ADGRL2: variants seen among roughly 807,000 people sequenced by gnomAD.
The protein encoded by ADGRL2 is calcium-independent alpha-latrotoxin receptor 2.
A neutral mutation model predicts 157.4 loss-of-function variants in ADGRL2; 44 were observed. The ratio of observed to expected loss-of-function variants is 0.28; its 90% CI spans 0.22 to 0.36. The LOEUF (loss-of-function observed/expected upper bound fraction) is 0.36, where lower values mean the gene tolerates loss of function less well. ADGRL2 is among the 10% of genes least tolerant of loss of function. The pLI, the probability that ADGRL2 is intolerant of heterozygous loss-of-function variation, is 1.00. For missense variants in ADGRL2, 1,510 were observed against 1,768.9 expected, an observed-to-expected ratio of 0.85 and a Z score of 2.63; for synonymous variants, 585 against 624.7, an observed-to-expected ratio of 0.94 and a Z score of 0.95.
intron 3 of ADGRL2, chr1:81,596,403 A>G (rs948814661): frequency 5.0e-5 from 24 of 475,578 alleles, no homozygotes; most frequent in South Asian, 3.7e-4. Flanking sequence ...GTCAGCTCAC[A>G]CCTTCTCCAG....
intron 21 of ADGRL2, among the ~76,000 whole-genome samples, chr1:81,986,685 G>A (rs1572530454): frequency 6.6e-6 from 1 of 152,146 alleles, no homozygotes; most frequent in East Asian, 1.9e-4. Context: ...GATTTAGAAA[G>A]CACCTGTGAA....
At chr1:81,714,726 T>G (rs2084050721) in intron 1 of ADGRL2, among the ~76,000 whole-genome samples, 1 of 152,304 alleles carries the variant, frequency 6.6e-6, no homozygotes, top group East Asian at 1.9e-4. Context: ...TTTTGAGAAG[T>G]GTGCTACATA....
intron 1 of ADGRL2, among the ~76,000 whole-genome samples, chr1:81,344,288 T>C (rs1255230395): frequency 6.6e-6 from 1 of 152,178 alleles, no homozygotes. Context: ...GCTGTGAGTA[T>C]TTATAAACAG....
Position 81,991,213 on chromosome 1 carries a change from G to A in ADGRL2, c.*68G>A, listed in dbSNP as rs1391494199. ...TAAATAAAGACACCATTGGCCTGAC[G>A]CAGCTCCCTCAAACTCTGCTTGAAG... On this transcript the variant is annotated 3_prime_UTR_variant, in exon 24 of 24. Coordinates refer to ENST00000686636, the MANE Select transcript of ADGRL2 (RefSeq NM_001366006.2). The A allele has an allele frequency of 7.7e-6, 11 of 1,424,902 alleles. No individual in the cohort carries two copies. In the East Asian group the frequency reaches 2.1e-4, roughly 27 times the overall value. The allele number at this position is 1,424,902 out of a possible 1,614,324, so 88.3% of individuals were successfully genotyped here. A position where few individuals can be genotyped will look rare whatever the true frequency, so the allele number is the denominator to read the frequency against.
Position 81,337,780 on chromosome 1 carries a change from T to C in ADGRL2, c.-302+31271T>C, listed in dbSNP as rs79815088. On this transcript the variant is annotated intron_variant, in intron 1 of 24. Coordinates refer to the ADGRL2 transcript ENST00000370721. Reference sequence around the variant, plus strand: ...CTTACACCCTGGCAGACTCTTTTTTTCAGTAATTCTTAAGCATTGGATTGT... The same window carrying C: ...CTTACACCCTGGCAGACTCTTTTTTCCAGTAATTCTTAAGCATTGGATTGT... Among the ~76,000 whole-genome samples the C allele has an allele frequency of 7.9e-3, 1,207 of 152,266 alleles. 17 individuals carry two copies. The highest frequency in any genetic ancestry group is 0.027 in the African/African-American group (1,103 of 41,550).
At chr1:81,690,968 G>T (rs377253254) in intron 3 of ADGRL2, among the ~76,000 whole-genome samples, 58 of 152,328 alleles carry the variant, frequency 3.8e-4, no homozygotes, top group African/African-American at 1.4e-3. Flanking sequence ...AGACCTGGTT[G>T]TTCTGGTACT....
At chr1:81,811,169 T>C (rs931199844) in intron 1 of ADGRL2, among the ~76,000 whole-genome samples, 5 of 151,960 alleles carry the variant, frequency 3.3e-5, no homozygotes, top group Non-Finnish European at 5.9e-5. Context: ...AAAACACTGC[T>C]GATTTGCTGT....
At chr1:81,755,264 G>C (rs1479302127) in intron 1 of ADGRL2, among the ~76,000 whole-genome samples, 4 of 149,734 alleles carry the variant, frequency 2.7e-5, no homozygotes, top group Admixed American at 2.0e-4. Context: ...TGTAGTATTT[G>C]TCACAGCAAT....
At chr1:81,403,609 C>A (rs911126656) in intron 1 of ADGRL2, among the ~76,000 whole-genome samples, 1 of 151,922 alleles carries the variant, frequency 6.6e-6, no homozygotes, top group Non-Finnish European at 1.5e-5. Context: ...GATGGCATAT[C>A]AAAAGTGGTG....
intron 1 of ADGRL2, among the ~76,000 whole-genome samples, chr1:81,356,098 A>C (rs949726173): frequency 6.6e-6 from 1 of 152,212 alleles, no homozygotes; most frequent in African/African-American, 2.4e-5. Context: ...AAGAGATAAG[A>C]AAAACCTGAG....
intron 1 of ADGRL2, among the ~76,000 whole-genome samples, chr1:81,438,009 C>G (rs981419055): frequency 1.3e-5 from 2 of 149,988 alleles, no homozygotes; most frequent in African/African-American, 4.9e-5. Context: ...CCAGGAGTTA[C>G]CCTCTCTCTT....
At chr1:81,643,126 G>C (rs1195932361) in intron 3 of ADGRL2, among the ~76,000 whole-genome samples, 1 of 152,136 alleles carries the variant, frequency 6.6e-6, no homozygotes, top group Non-Finnish European at 1.5e-5. Context: ...AGATTGGGAA[G>C]GAAGAAATAA....
chr1:81,599,664 T>A (rs2081299921), intron 3 of ADGRL2, among the ~76,000 whole-genome samples: 1 of 152,222 alleles, frequency 6.6e-6, no homozygotes, highest in African/African-American at 2.4e-5. Context: ...TACAGTTTAA[T>A]TTTTTTTAAA....
chr1:81,951,005 A>G lies in ADGRL2; in HGVS notation c.1505-13A>G. ...GGTTTCAATTTCACTGTTGTTTTCTACATCTGTTGTAGGAACTGCCTCATA... is the reference window on the plus strand; with the variant it reads ...GGTTTCAATTTCACTGTTGTTTTCTGCATCTGTTGTAGGAACTGCCTCATA... On this transcript the variant is annotated splice_polypyrimidine_tract_variant and intron_variant, in intron 7 of 23. Coordinates refer to ENST00000686636, the MANE Select transcript of ADGRL2 (RefSeq NM_001366006.2). 1.9e-6 allele frequency: 3 copies of G among 1,560,852 alleles called. No individual in the cohort carries two copies. Among genetic ancestry groups the G allele is most frequent in the Non-Finnish European group, 2.6e-6 (3 of 1,132,500 alleles).
At chr1:81,694,717 T>C (rs2149003975) in intron 3 of ADGRL2, among the ~76,000 whole-genome samples, 1 of 152,290 alleles carries the variant, frequency 6.6e-6, no homozygotes, top group Non-Finnish European at 1.5e-5. Context: ...TTCAGTTTCT[T>C]GAATTTTTCA....
At chr1:81,650,248 T>C (rs1450253248) in intron 3 of ADGRL2, among the ~76,000 whole-genome samples, 2 of 151,962 alleles carry the variant, frequency 1.3e-5, no homozygotes, top group South Asian at 4.1e-4. Flanking sequence ...AGAAGGAACA[T>C]GGCAGGTGAA....
chr1:81,850,388 T>C (rs151086033), intron 2 of ADGRL2, among the ~76,000 whole-genome samples: 1 of 152,056 alleles, frequency 6.6e-6, no homozygotes, highest in Non-Finnish European at 1.5e-5. Context: ...TCATTGTCTT[T>C]TCACACTTGA....
intron 2 of ADGRL2, among the ~76,000 whole-genome samples, chr1:81,878,406 A>G (rs1368344245): frequency 6.6e-6 from 1 of 152,194 alleles, no homozygotes; most frequent in Admixed American, 6.5e-5. Flanking sequence ...TATTTATACT[A>G]TCAATGCATG....
chr1:81,364,060 A>G (rs2076022987), intron 1 of ADGRL2, among the ~76,000 whole-genome samples: 2 of 152,242 alleles, frequency 1.3e-5, no homozygotes, highest in South Asian at 2.1e-4. Context: ...ACATTCTGTA[A>G]TAGTAAAGGA....
Sources: gnomAD v4.1 joint callset for allele counts (sites outside exome capture counted in the v4.1 genomes callset) on GRCh38, gnomAD v4.1.1 for gene constraint, MANE v1.5 for transcripts, NCBI Gene and HGNC (gene_info 2026-07-23, HGNC 2026-07-21) for gene names.